ARID1B: variants seen among roughly 807,000 people sequenced by gnomAD.
ARID1B encodes AT-rich interaction domain 1B.
Under a neutral mutation model 212.3 loss-of-function variants are expected in ARID1B, and 30 were observed. The ratio of observed to expected loss-of-function variants is 0.14; its 90% CI spans 0.11 to 0.19. ARID1B has a LOEUF of 0.19. Ranked by LOEUF, ARID1B falls within the 10% of genes least tolerant of loss-of-function variation. The pLI is 1.00. For synonymous variants in ARID1B, 1,402 were observed against 1,301.7 expected, an observed-to-expected ratio of 1.08 and a Z score of -1.66; for missense variants, 2,891 against 3,204.0, an observed-to-expected ratio of 0.90 and a Z score of 2.36.
rs587779744 is a variant in ARID1B at position 156,778,292 on chromosome 6, ACAGCAG to A, written c.630_635del (p.Gln213_Gln214del). 141 of 1,518,244 alleles carry A rather than the reference ACAGCAG, an allele frequency of 9.3e-5. No individual in the cohort carries two copies. The highest frequency in any genetic ancestry group is 1.7e-4 in the Middle Eastern group (1 of 5,832). The allele number at this position is 1,518,244 out of a possible 1,614,324, so 94.0% of individuals were successfully genotyped here. A position where few individuals can be genotyped will look rare whatever the true frequency, so the allele number is the denominator to read the frequency against. ...TCCAGCAGCAGCAGCAGCAGCAGCA[ACAGCAG>A]CAGCAGCAGCAGCAGCAACAGCAAC... is the stretch of plus-strand genomic sequence containing the variant. On this transcript the variant is annotated inframe_deletion, in exon 1 of 20. Transcript: ENST00000636930.
intron 15 of ARID1B, among the ~76,000 whole-genome samples, chr6:157,193,088 T>C (rs1351584441): frequency 1.3e-5 from 2 of 152,242 alleles, no homozygotes; most frequent in East Asian, 1.9e-4. Context: ...ACTTCACTGA[T>C]TGAGGCATTG....
At chr6:157,121,090 A>T (rs566592999) in intron 6 of ARID1B, among the ~76,000 whole-genome samples, 30 of 152,218 alleles carry the variant, frequency 2.0e-4, no homozygotes, top group Admixed American at 1.5e-3. Context: ...AGAATACACG[A>T]TTGGAGGCTA....
intron 7 of ARID1B, among the ~76,000 whole-genome samples, chr6:157,136,660 G>A (rs1474888114): frequency 6.6e-6 from 1 of 152,166 alleles, no homozygotes; most frequent in Non-Finnish European, 1.5e-5. Context: ...TCAGGAGTTC[G>A]AGACCAGCCT....
chr6:157,154,587 T>C (rs796227282), intron 8 of ARID1B, among the ~76,000 whole-genome samples: 5 of 145,496 alleles, frequency 3.4e-5, no homozygotes, highest in African/African-American at 1.3e-4. Context: ...TTTGTTTTTT[T>C]TTTTTTTTTT....
intron 6 of ARID1B, among the ~76,000 whole-genome samples, chr6:157,122,258 G>A (rs1025615448): frequency 1.3e-5 from 2 of 152,054 alleles, no homozygotes; most frequent in African/African-American, 2.4e-5. Context: ...AGACTTACGC[G>A]AACACTGCTT....
chr6:156,990,202 C>G (rs1025269350), intron 4 of ARID1B, among the ~76,000 whole-genome samples: 2 of 142,908 alleles, frequency 1.4e-5, no homozygotes, highest in Non-Finnish European at 3.0e-5. Context: ...TAAAGAGAGT[C>G]TCATTCTGTG....
At chr6:156,884,018 T>C (rs1787311784) in intron 2 of ARID1B, among the ~76,000 whole-genome samples, 1 of 152,182 alleles carries the variant, frequency 6.6e-6, no homozygotes, top group Admixed American at 6.5e-5. Context: ...GGAAAAAAAA[T>C]ATCGTGCCCT....
At chr6:156,845,524 G>A (rs1356800718) in intron 2 of ARID1B, among the ~76,000 whole-genome samples, 2 of 151,982 alleles carry the variant, frequency 1.3e-5, no homozygotes, top group Non-Finnish European at 1.5e-5. Flanking sequence ...ATTCTAGATT[G>A]GATATAATTT....
intron 1 of ARID1B, among the ~76,000 whole-genome samples, chr6:156,817,250 A>G (rs974088715): frequency 6.6e-6 from 1 of 151,992 alleles, no homozygotes; most frequent in African/African-American, 2.4e-5. Flanking sequence ...CGTGGTGGGC[A>G]GGAGAATCAC....
chr6:157,011,685 T>C (rs1779618256), intron 4 of ARID1B, among the ~76,000 whole-genome samples: 1 of 152,238 alleles, frequency 6.6e-6, no homozygotes. Flanking sequence ...AGTGTTAATG[T>C]GAATATTATC....
chr6:156,954,374 C>G (rs938680322), intron 4 of ARID1B, among the ~76,000 whole-genome samples: 1 of 152,058 alleles, frequency 6.6e-6, no homozygotes, highest in African/African-American at 2.4e-5. Flanking sequence ...GTTGATGTAA[C>G]TTTCGAAGCA....
chr6:157,198,962 TA>T, intron 17 of ARID1B, 55 bp downstream of exon 17: 1 of 1,381,044 alleles, frequency 7.2e-7, no homozygotes. Flanking sequence ...TCCTGGAGGC[TA>T]AAACTCAAAC....
At chr6:157,108,469 A>AC (rs1250614414) in intron 5 of ARID1B, among the ~76,000 whole-genome samples, 1 of 152,306 alleles carries the variant, frequency 6.6e-6, no homozygotes, top group East Asian at 1.9e-4. Flanking sequence ...TAATGTAAGC[A>AC]CTTACTGTCT....
chr6:156,831,150 T>C (rs1783112018), intron 2 of ARID1B, among the ~76,000 whole-genome samples: 1 of 152,224 alleles, frequency 6.6e-6, no homozygotes, highest in Admixed American at 6.5e-5. Context: ...TGCGATTTTC[T>C]CTCCTTCATT....
rs946096626 is a variant in ARID1B, at chr6:157,200,612, A to G, written c.4480-93A>G. ...TTCCCATATTCATTTTGAAATGAAC[A>G]TTCTAGCAGGTAATAACTATTTTGC... On this transcript the variant is annotated intron_variant, in intron 17 of 19. Transcript: ENST00000636930. The surrounding 1 kb of genome is among the most constrained non-coding windows in gnomAD (Gnocchi z 4.3). The G allele has an allele frequency of 1.1e-5, 15 of 1,403,052 alleles. No individual in the cohort carries two copies. Among genetic ancestry groups the G allele is most frequent in the African/African-American group, 7.2e-5 (5 of 69,420 alleles). The allele number at this position is 1,403,052 out of a possible 1,614,324, so 86.9% of individuals were successfully genotyped here. A position where few individuals can be genotyped will look rare whatever the true frequency, so the allele number is the denominator to read the frequency against.
intron 2 of ARID1B, among the ~76,000 whole-genome samples, chr6:156,873,156 C>T (rs1415666508): frequency 1.3e-5 from 2 of 152,124 alleles, no homozygotes; most frequent in Non-Finnish European, 2.9e-5. Context: ...TGATGCCTGA[C>T]AGATAAACAG....
chr6:157,151,008 A>T (rs1790159388), intron 8 of ARID1B: 1 of 164,746 alleles, frequency 6.1e-6, no homozygotes. Flanking sequence ...CCTTCTGTCC[A>T]TTTTTGTTGG....
chr6:156,819,416 A>G (rs1379286760), intron 1 of ARID1B, among the ~76,000 whole-genome samples: 3 of 152,218 alleles, frequency 2.0e-5, no homozygotes. Flanking sequence ...AATAAACAAT[A>G]TATATAGCCT....
At chr6:156,906,505 A>G (rs1357146960) in intron 3 of ARID1B, among the ~76,000 whole-genome samples, 1 of 123,644 alleles carries the variant, frequency 8.1e-6, no homozygotes, top group Non-Finnish European at 1.6e-5. Flanking sequence ...AGATCGTGCC[A>G]TTGCACTCTA....
Sources: gnomAD v4.1 joint callset for allele counts (sites outside exome capture counted in the v4.1 genomes callset) on GRCh38, gnomAD v4.1.1 for gene constraint, Gnocchi (gnomAD v3.1) non-coding constraint, MANE v1.5 for transcripts, NCBI Gene and HGNC (gene_info 2026-07-23, HGNC 2026-07-21) for gene names.